ESRRG: variants seen among roughly 807,000 people sequenced by gnomAD.
ESRRG encodes the protein estrogen related receptor gamma.
ESRRG carries 13 observed loss-of-function variants against 44.0 expected under a neutral mutation model. The observed-to-expected ratio is 0.30, with a 90% CI of 0.19 to 0.47. The LOEUF (loss-of-function observed/expected upper bound fraction) is 0.47, where lower values mean the gene tolerates loss of function less well. Ranked by LOEUF, ESRRG falls within the 20% of genes least tolerant of loss-of-function variation. The pLI is 1.00. For missense variants in ESRRG, 395 were observed against 580.6 expected (o/e 0.68, Z 3.29); for synonymous variants, 215 against 214.6 (o/e 1.00, Z -0.02).
intron 1 of ESRRG, among the ~76,000 whole-genome samples, chr1:216,999,153 A>T (rs2076715693): frequency 6.6e-6 from 1 of 152,130 alleles, no homozygotes; most frequent in South Asian, 2.1e-4. Context: ...GCCCAGCCCC[A>T]ATTACCTGAA....
intron 2 of ESRRG, among the ~76,000 whole-genome samples, chr1:216,875,561 C>T (rs554527328): frequency 2.6e-5 from 4 of 152,214 alleles, no homozygotes; most frequent in African/African-American, 9.6e-5. Context: ...TGAGATCCAA[C>T]CTTATTGCAT....
rs79089423 is a variant in ESRRG, at chr1:216,652,265, T to A, written c.473-1176A>T. The stretch of plus-strand genomic sequence containing the variant: ...GCAGATTCTAGTAATTAGCATAGAG[T>A]CTGCCTGGGACCACAGCATTGATGA... On this transcript the variant is annotated intron_variant, in intron 2 of 6. Coordinates refer to ENST00000408911, the MANE Select transcript of ESRRG (RefSeq NM_001438.4). 1.2e-4 allele frequency among the ~76,000 whole-genome samples: 19 copies of A among 152,158 alleles called. No homozygotes were observed. The East Asian group carries it at 3.5e-3, about 28-fold the overall frequency.
intron 1 of ESRRG, among the ~76,000 whole-genome samples, chr1:217,066,992 A>C (rs2089826312): frequency 6.6e-6 from 1 of 152,236 alleles, no homozygotes; most frequent in Non-Finnish European, 1.5e-5. Context: ...TACTAGAAGT[A>C]AACTGAAACC....
intron 2 of ESRRG, among the ~76,000 whole-genome samples, chr1:216,887,636 TA>T (rs1199638262): frequency 6.6e-6 from 1 of 152,216 alleles, no homozygotes; most frequent in Non-Finnish European, 1.5e-5. Flanking sequence ...TTTGTTAATG[TA>T]ACTGACCTAT....
At chr1:217,012,515 C>G (rs75536434) in intron 1 of ESRRG, among the ~76,000 whole-genome samples, 2 of 152,076 alleles carry the variant, frequency 1.3e-5, no homozygotes, top group Non-Finnish European at 2.9e-5. Context: ...ACCCTTGTTT[C>G]GAGTTACTGA....
chr1:216,958,146 T>C (rs139795518), intron 1 of ESRRG, among the ~76,000 whole-genome samples: 79 of 152,330 alleles, frequency 5.2e-4, no homozygotes, highest in Non-Finnish European at 9.8e-4. Context: ...AGTATTCCAT[T>C]GTATAAATAT....
At chr1:216,798,408 G>A (rs1473881369) in intron 2 of ESRRG, among the ~76,000 whole-genome samples, 1 of 152,130 alleles carries the variant, frequency 6.6e-6, no homozygotes, top group East Asian at 1.9e-4. Context: ...CCCTGCATGT[G>A]CAAAGTTCTG....
At chr1:216,910,236 A>T (rs1349698454) in intron 2 of ESRRG, among the ~76,000 whole-genome samples, 1 of 151,474 alleles carries the variant, frequency 6.6e-6, no homozygotes, top group Non-Finnish European at 1.5e-5. Flanking sequence ...ACAAACAGGC[A>T]CACATACACA....
At chr1:216,968,865 C>T (rs1031055560) in intron 1 of ESRRG, among the ~76,000 whole-genome samples, 5 of 152,042 alleles carry the variant, frequency 3.3e-5, no homozygotes, top group Admixed American at 3.3e-4. Flanking sequence ...GGAATATCTC[C>T]ATTTATTTAG....
At chr1:216,571,435 C>T (rs1002982962) in intron 3 of ESRRG, among the ~76,000 whole-genome samples, 2 of 151,998 alleles carry the variant, frequency 1.3e-5, no homozygotes, top group East Asian at 1.9e-4. Context: ...AAGAGTGAAA[C>T]GCCATCTCAA....
intron 1 of ESRRG, among the ~76,000 whole-genome samples, chr1:217,017,105 TG>T (rs2079506554): frequency 6.6e-6 from 1 of 152,162 alleles, no homozygotes; most frequent in African/African-American, 2.4e-5. Context: ...TGCTCTGCTA[TG>T]ATATACAAGT....
chr1:216,901,337 T>C (rs2059047877), intron 2 of ESRRG, among the ~76,000 whole-genome samples: 1 of 152,206 alleles, frequency 6.6e-6, no homozygotes, highest in Admixed American at 6.5e-5. Context: ...CTTCTCAGTA[T>C]GTAACTCAAG....
intron 1 of ESRRG, chr1:216,707,258 G>A: frequency 2.3e-6 from 3 of 1,304,470 alleles, no homozygotes; most frequent in Middle Eastern, 1.9e-4. Context: ...TCATTAATCA[G>A]TCTAAAAAAA....
intron 2 of ESRRG, among the ~76,000 whole-genome samples, chr1:216,913,441 T>C (rs1385944877): frequency 6.6e-6 from 1 of 152,200 alleles, no homozygotes; most frequent in Non-Finnish European, 1.5e-5. Context: ...TGAATATGCA[T>C]CCTTTATATT....
At chr1:217,123,212 A>T (rs927927970) in intron 1 of ESRRG, among the ~76,000 whole-genome samples, 1 of 152,254 alleles carries the variant, frequency 6.6e-6, no homozygotes, top group Non-Finnish European at 1.5e-5. Flanking sequence ...GGAAATGAAA[A>T]GGAATAGATG....
intron 1 of ESRRG, among the ~76,000 whole-genome samples, chr1:217,122,005 G>A (rs758521845): frequency 2.6e-5 from 4 of 152,158 alleles, no homozygotes; most frequent in African/African-American, 4.8e-5. Context: ...AGATAACCAC[G>A]AGTTAGGTTA....
At chr1:216,849,363 C>G (rs981575522) in intron 2 of ESRRG, among the ~76,000 whole-genome samples, 2 of 152,052 alleles carry the variant, frequency 1.3e-5, no homozygotes, top group Non-Finnish European at 2.9e-5. Flanking sequence ...AACTGGAATT[C>G]GTCACATGAA....
At chr1:217,026,080 T>C (rs2081134617) in intron 1 of ESRRG, among the ~76,000 whole-genome samples, 1 of 152,200 alleles carries the variant, frequency 6.6e-6, no homozygotes, top group Non-Finnish European at 1.5e-5. Context: ...GCATGGTGAC[T>C]TAACACCTTG....
chr1:217,102,861 A>C (rs1294327306), intron 1 of ESRRG, among the ~76,000 whole-genome samples: 1 of 151,822 alleles, frequency 6.6e-6, no homozygotes, highest in African/African-American at 2.4e-5. Context: ...GGTGGCATGT[A>C]GGGGCGGGTG....
Sources: allele counts gnomAD v4.1 joint callset (sites outside exome capture counted in the v4.1 genomes callset), GRCh38; gene constraint gnomAD v4.1.1; transcripts MANE v1.5; gene names NCBI Gene and HGNC (gene_info 2026-07-23, HGNC 2026-07-21).